Variants in NUMA1 observed in about 807,000 individuals in gnomAD.
NUMA1 encodes the protein nuclear mitotic apparatus protein 1, also known as SP-H antigen.
A neutral mutation model predicts 237.1 loss-of-function variants in NUMA1; 62 were observed. The observed-to-expected ratio is 0.26, with a 90% CI of 0.21 to 0.32. NUMA1 has a LOEUF of 0.32. Ranked by LOEUF, NUMA1 falls within the 10% of genes least tolerant of loss-of-function variation. The pLI is 1.00. For synonymous variants in NUMA1, 1,028 were observed against 1,066.1 expected, an observed-to-expected ratio of 0.96 and a Z score of 0.70; for missense variants, 2,533 against 2,666.5, an observed-to-expected ratio of 0.95 and a Z score of 1.10.
chr11:72,005,609 A>G, intron 22 of NUMA1: 2 of 538,842 alleles, frequency 3.7e-6, no homozygotes, highest in Non-Finnish European at 6.5e-6. Flanking sequence ...CTGCTACTAC[A>G]TCTTACTCAC....
chr11:72,056,762 G>A (rs1942678131), intron 2 of NUMA1, among the ~76,000 whole-genome samples: 1 of 150,484 alleles, frequency 6.6e-6, no homozygotes, highest in Non-Finnish European at 1.5e-5. Flanking sequence ...ACATCTACCA[G>A]TTATATAAGG....
At chr11:72,024,763 A>AG (rs1939341848) in intron 4 of NUMA1, 1 of 167,144 alleles carries the variant, frequency 6.0e-6, no homozygotes, top group Non-Finnish European at 1.3e-5. Flanking sequence ...GACCATGGGG[A>AG]GGGAAAAACA....
intron 17 of NUMA1, among the ~76,000 whole-genome samples, chr11:72,010,120 G>A (rs1956047962): frequency 6.6e-6 from 1 of 152,226 alleles, no homozygotes; most frequent in Non-Finnish European, 1.5e-5. Context: ...AAGACATGCT[G>A]TGGCACCATG....
At position 72,015,450 on chromosome 11, in the gene NUMA1, G is replaced by T; in HGVS notation, c.2053C>A (p.Gln685Lys). Residue 685 changes from glutamine to lysine, a missense_variant, in exon 15 of 27, where the codon CAA becomes AAA. Gln to Lys is a moderately conservative substitution (Grantham distance 53). Around this residue, in one of 3 missense-constraint regions of NUMA1, gnomAD observed 1,414 missense variants for 1,508.1 expected, o/e 0.94. Transcript: ENST00000393695. This position sits in a 1 kb window ranked among gnomAD's most constrained non-coding sequence, Gnocchi z 4.0. The stretch of plus-strand genomic sequence containing the variant: ...ACCCTTTCTTTCTCAGTTGCTTTTT[G>T]CTGCTCAGACCGCAGCTGCAACTCT... Reference protein sequence around the residue: ...ELELQLRSEQQKATEKERVAQ... With the variant: ...ELELQLRSEQKKATEKERVAQ... 6.2e-7 allele frequency: 1 copy of T among 1,612,004 alleles called. No homozygotes were observed.
rs774941470 is a variant in NUMA1 at position 72,008,669 on chromosome 11, A to G, written c.5216+19T>C. ...AGGCACTCCATAAACAGACATAGGG[A>G]GGAAGGCTGCCTCCTGACCTGGTGA... On this transcript the variant is annotated intron_variant, in intron 20 of 26. Transcript: ENST00000393695. 1.9e-5 allele frequency: 30 copies of G among 1,613,744 alleles called. No homozygotes were observed. In the East Asian group the frequency reaches 6.5e-4, roughly 35 times the overall value.
At chr11:72,028,564 G>T (rs117723212) in intron 4 of NUMA1, among the ~76,000 whole-genome samples, 2 of 150,374 alleles carry the variant, frequency 1.3e-5, no homozygotes, top group African/African-American at 2.4e-5. Flanking sequence ...TAACTGTGAC[G>T]TTCAAAGGAA....
intron 2 of NUMA1, chr11:72,066,527 G>A (rs994262127): frequency 6.6e-6 from 1 of 151,968 alleles, no homozygotes; most frequent in African/African-American, 2.4e-5. Context: ...CCCCATACAT[G>A]CCAGGCATTT....
In NUMA1 at chr11:72,013,631, C is replaced by T. The variant is rs1304098428; in HGVS notation, c.3872G>A (p.Arg1291Gln). Residue 1291 changes from arginine to glutamine, a missense_variant, in exon 15 of 27, where the codon CGG becomes CAG. By Grantham distance (43) the Arg-to-Gln change is conservative (BLOSUM62 1). Around this residue, in one of 3 missense-constraint regions of NUMA1, gnomAD observed 324 missense variants for 407.6 expected, o/e 0.79. Transcript: ENST00000393695. This position sits in a 1 kb window ranked among gnomAD's most constrained non-coding sequence, Gnocchi z 6.8. The stretch of plus-strand genomic sequence containing the variant: ...CTCCCGGAGGCTCTGCACCTCCTCC[C>T]GCAGAGCAGAGCTGCGTTCTGCAGC... ...ARAAERSSALREEVQSLREEA... is the reference protein window; with the variant it reads ...ARAAERSSALQEEVQSLREEA... 3.1e-6 allele frequency: 5 copies of T among 1,610,462 alleles called. No individual in the cohort carries two copies. In the South Asian group the frequency reaches 3.3e-5, roughly 11 times the overall value.
In NUMA1 at chr11:72,012,932, T is replaced by C. The variant is rs1235916451; in HGVS notation, c.4571A>G (p.Gln1524Arg). Reference sequence around the variant, plus strand: ...TTTCTGCCTCTCTTCCTGGAACCGCTGCCTCTCCTCCAGGACCTTGACCTT... The same window carrying C: ...TTTCTGCCTCTCTTCCTGGAACCGCCGCCTCTCCTCCAGGACCTTGACCTT... ...GAKVKVLEER[Q>R]RFQEERQKLT... Residue 1524 changes from glutamine to arginine, a missense_variant, in exon 15 of 27, where the codon CAG becomes CGG. Gln to Arg is a conservative substitution (Grantham distance 43). This residue lies in a region of NUMA1 where 324 missense variants were observed against 407.6 expected (regional missense o/e 0.79). Coordinates refer to ENST00000393695, the MANE Select transcript of NUMA1 (RefSeq NM_006185.4). 1 of 1,614,156 alleles carries C rather than the reference T, an allele frequency of 6.2e-7. No individual in the cohort carries two copies. Among genetic ancestry groups the C allele is most frequent in the Non-Finnish European group, 8.5e-7 (1 of 1,180,022 alleles).
chr11:72,004,947 G>C (rs1955586818), intron 23 of NUMA1, 131 bp from the exon 24 acceptor site: 1 of 945,960 alleles, frequency 1.1e-6, no homozygotes, highest in Non-Finnish European at 1.5e-6. Flanking sequence ...GAGGTAGAAA[G>C]ACACAAGGCC....
In NUMA1 at chr11:72,004,019, G is replaced by A. The variant is rs770890943; in HGVS notation, c.6204C>T (p.Ala2068=). ...AAGCCTTGGACAGGGCCTTCTTTGA[G>A]GCTCCCCGCCGCAGAAGGCTGTTCC... The part of the protein sequence containing the change: ...KLGNSLLRRG[A]SKKALSKASP... Residue 2068 remains alanine, a synonymous_variant, in exon 26 of 27, where the codon GCC becomes GCT. Coordinates refer to ENST00000393695, the MANE Select transcript of NUMA1 (RefSeq NM_006185.4). 2 of 1,613,408 alleles carry A rather than the reference G, an allele frequency of 1.2e-6. No homozygotes were observed. The highest frequency in any genetic ancestry group is 2.7e-5 in the African/African-American group (2 of 74,924).
chr11:72,076,418 C>T (rs1943710932), intron 1 of NUMA1: 1 of 152,050 alleles, frequency 6.6e-6, no homozygotes, highest in African/African-American at 2.4e-5. Context: ...AGGAAGCAGA[C>T]ATTAATATGT....
In NUMA1 at chr11:72,073,079, C is replaced by T. The variant is rs182965322; in HGVS notation, c.-102-3168G>A. On this transcript the variant is annotated intron_variant, in intron 1 of 26. Coordinates refer to ENST00000393695, the MANE Select transcript of NUMA1 (RefSeq NM_006185.4). Reference sequence around the variant, plus strand: ...AAAAAAAAAAAAAAAGCTGCCTAGGCCAGGCACAATGGCTTACACCCATAA... The same window carrying T: ...AAAAAAAAAAAAAAAGCTGCCTAGGTCAGGCACAATGGCTTACACCCATAA... 3.3e-4 allele frequency among the ~76,000 whole-genome samples: 37 copies of T among 110,668 alleles called. No homozygotes were observed. In the East Asian group the frequency reaches 7.0e-3, roughly 21 times the overall value. The allele number at this position is 110,668 out of a possible 152,430, so 72.6% of individuals were successfully genotyped here. A position where few individuals can be genotyped will look rare whatever the true frequency, so the allele number is the denominator to read the frequency against.
At chr11:72,036,816 C>T (rs1050106451) in intron 2 of NUMA1, among the ~76,000 whole-genome samples, 2 of 152,170 alleles carry the variant, frequency 1.3e-5, no homozygotes, top group African/African-American at 4.8e-5. Context: ...CCCAAGAGAC[C>T]ACAGACCAGA....
intron 23 of NUMA1, 26 bp downstream of exon 23, chr11:72,005,207 C>T: frequency 1.3e-6 from 2 of 1,568,900 alleles, no homozygotes; most frequent in Admixed American, 1.9e-5. Context: ...GGATGGGAGG[C>T]CCTGCACAGT....
intron 5 of NUMA1, chr11:72,023,927 G>C (rs983019996): frequency 8.3e-6 from 2 of 240,316 alleles, no homozygotes; most frequent in East Asian, 2.1e-4. Flanking sequence ...AGTTTTTCTT[G>C]CAAGGGAAAG....
rs761787210 is a variant in NUMA1, at chr11:72,003,983, A to G, written c.6240T>C (p.Thr2080=). The change falls in exon 26 of 27, where the codon ACT becomes ACC. Residue 2080 remains threonine, a synonymous_variant. Transcript: ENST00000393695. ...KKALSKASPN[T]RSGTRRSPRI... The stretch of plus-strand genomic sequence containing the variant: ...GCGGAGAACGGCGGGTTCCACTGCG[A>G]GTGTTGGGGGAAGCCTTGGACAGGG... 11 of 1,612,540 alleles carry G rather than the reference A, an allele frequency of 6.8e-6. No homozygotes were observed. The highest frequency in any genetic ancestry group is 1.7e-5 in the Admixed American group (1 of 59,872).
rs28664099 is a variant in NUMA1, at chr11:72,031,990, G to A, written c.43-2700C>T. ...AAAAAATTAAAAAAAAAAAAAAAAA[G>A]AGAGAGAAAGGAAAAATAGCCCAGC... On this transcript the variant is annotated intron_variant, in intron 3 of 26. Transcript: ENST00000393695. 3.4e-3 allele frequency among the ~76,000 whole-genome samples: 68 copies of A among 20,270 alleles called. 1 individual carries two copies. Among genetic ancestry groups the A allele is most frequent in the Middle Eastern group, 0.026 (1 of 38 alleles). The allele number at this position is 20,270 out of a possible 152,430, so 13.3% of individuals were successfully genotyped here. A position where few individuals can be genotyped will look rare whatever the true frequency, so the allele number is the denominator to read the frequency against.
chr11:72,066,451 C>CA (rs1943204856), intron 2 of NUMA1: 1 of 152,198 alleles, frequency 6.6e-6, no homozygotes, highest in Non-Finnish European at 1.5e-5. Context: ...ATCCAACCCT[C>CA]AAATTTCCTT....
Sources: gnomAD v4.1 joint callset for allele counts (sites outside exome capture counted in the v4.1 genomes callset) on GRCh38, gnomAD v4.1.1 for gene constraint, gnomAD v4.1.1 regional missense constraint, Gnocchi (gnomAD v3.1) non-coding constraint, MANE v1.5 for transcripts, NCBI Gene and HGNC (gene_info 2026-07-23, HGNC 2026-07-21) for gene names.